The following CYP2W1 variants were observed in gnomAD, a reference collection of about 807,000 sequenced individuals.
The protein encoded by CYP2W1 is cytochrome P450 family 2 subfamily W member 1.
A neutral mutation model predicts 44.9 loss-of-function variants in CYP2W1; 51 were observed. The ratio of observed to expected loss-of-function variants is 1.14; its 90% CI spans 0.91 to 1.43. CYP2W1 has a LOEUF of 1.43. Among genes scored for constraint, CYP2W1 ranks in the 40% most tolerant of loss-of-function variants. The probability of loss-of-function intolerance (pLI) is 0.00; values close to 1 mark genes in which losing one functional copy is unlikely to be tolerated. For synonymous variants in CYP2W1, 383 were observed against 338.3 expected, an observed-to-expected ratio of 1.13 and a Z score of -1.45; for missense variants, 746 against 700.0, an observed-to-expected ratio of 1.07 and a Z score of -0.74.
Position 987,359 on chromosome 7 carries a change from AG to A in CYP2W1, c.973del (p.Glu325SerfsTer2), listed in dbSNP as rs781044047. The A allele has an allele frequency of 1.9e-6, 3 of 1,584,598 alleles. No homozygotes were observed. In the South Asian group the frequency reaches 3.4e-5, roughly 18 times the overall value. ...RHPDVQGRVQ[E>X]ELDRVLGPGR... The stretch of plus-strand genomic sequence containing the variant: ...CCCTTTGCCCCAGGCCGGGTGCAGG[AG>A]GAGCTAGACCGCGTGCTGGGCCCTG... On this transcript the variant is annotated frameshift_variant, in exon 7 of 9. Coordinates refer to ENST00000308919, the MANE Select transcript of CYP2W1 (RefSeq NM_017781.3). LOFTEE classifies it high-confidence loss of function.
rs78873069 is a variant in CYP2W1 at position 988,643 on chromosome 7, G to A, written c.1294G>A (p.Val432Ile). The A allele has an allele frequency of 2.4e-3, 3,801 of 1,602,326 alleles. 72 individuals carry two copies. In the East Asian group the frequency reaches 0.032, roughly 14 times the overall value. Reference sequence around the variant, plus strand: ...CTGGACATCCCCCGCAGGCCGCCGCGTCTGTGTTGGGGAGCGCCTGGCCAG... The same window carrying A: ...CTGGACATCCCCCGCAGGCCGCCGCATCTGTGTTGGGGAGCGCCTGGCCAG... ...AFLPFSAGRR[V>I]CVGERLARTE... Residue 432 changes from valine (V) to isoleucine (I), a missense_variant, in exon 9 of 9, where the codon GTC becomes ATC. Transcript: ENST00000308919.
At chr7:988,184 G>A in intron 7 of CYP2W1, 93 bp from the exon 8 acceptor site, 3 of 1,397,438 alleles carry the variant, frequency 2.1e-6, no homozygotes, top group South Asian at 1.4e-5. Flanking sequence ...GGTGGGTGTG[G>A]CAGGAGCTAC....
intron 5 of CYP2W1, 150 bp downstream of exon 5, chr7:986,947 T>G: frequency 7.5e-7 from 1 of 1,325,224 alleles, no homozygotes; most frequent in Non-Finnish European, 1.0e-6. Context: ...TCTCCTTGTC[T>G]GTGAAACGGG....
chr7:984,818 C>T (rs974167698), intron 2 of CYP2W1, 132 bp from the exon 3 acceptor site: 22 of 1,299,082 alleles, frequency 1.7e-5, no homozygotes, highest in Admixed American at 2.4e-5. Context: ...CCCAGGGGGA[C>T]GGGAGTGGGG....
Position 987,482 on chromosome 7 carries a change from C to T in CYP2W1, c.1094C>T (p.Pro365Leu). The T allele has an allele frequency of 3.9e-6, 6 of 1,555,098 alleles. No homozygotes were observed. Among genetic ancestry groups the T allele is most frequent in the East Asian group, 2.4e-5 (1 of 42,010 alleles). Residue 365 changes from proline (P) to leucine (L), a missense_variant, in exon 7 of 9, where the codon CCC (proline) becomes CTC (leucine). Pro to Leu is a moderately conservative substitution (Grantham distance 98, BLOSUM62 -3). Coordinates refer to ENST00000308919, the MANE Select transcript of CYP2W1 (RefSeq NM_017781.3). ...TTCATCACGCTCCTGCCGCACGTGC[C>T]CCGCTGCACCGCGGCCGACACACAG... ...QRFITLLPHV[P>L]RCTAADTQLG...
Position 988,882 on chromosome 7 carries a change from C to T in CYP2W1, c.*60C>T. ...CCCCTCCCAGCCCTGGGTCCTCCCA[C>T]CCTCTCTCCTCCCACCCCACAGCTC... On this transcript the variant is annotated 3_prime_UTR_variant, in exon 9 of 9. Coordinates refer to ENST00000308919, the MANE Select transcript of CYP2W1 (RefSeq NM_017781.3). 1 of 1,080,760 alleles carries T rather than the reference C, an allele frequency of 9.3e-7. No individual in the cohort carries two copies. Among genetic ancestry groups the T allele is most frequent in the Non-Finnish European group, 1.3e-6 (1 of 761,696 alleles). The allele number at this position is 1,080,760 out of a possible 1,614,324, so 66.9% of individuals were successfully genotyped here. A position where few individuals can be genotyped will look rare whatever the true frequency, so the allele number is the denominator to read the frequency against.
At chr7:984,299 G>A in intron 1 of CYP2W1, 113 bp from the exon 2 acceptor site, 2 of 1,371,346 alleles carry the variant, frequency 1.5e-6, no homozygotes, top group African/African-American at 1.5e-5. Context: ...CCCTCCACCT[G>A]CCCCCATTTT....
Position 984,532 on chromosome 7 carries a change from C to A in CYP2W1, c.295C>A (p.Arg99=), listed in dbSNP as rs760828905. The part of the protein sequence containing the change: ...LAGPGQELAD[R]PPIAIFQLIQ... ...GGGCCCCGGGCAGGAGCTGGCCGACCGGCCTCCCATCGCCATCTTCCAGCT... is the reference window on the plus strand; with the variant it reads ...GGGCCCCGGGCAGGAGCTGGCCGACAGGCCTCCCATCGCCATCTTCCAGCT... The change falls in exon 2 of 9, where the codon CGG becomes AGG. Residue 99 remains arginine, a synonymous_variant. Transcript: ENST00000308919. 1 of 1,554,902 alleles carries A rather than the reference C, an allele frequency of 6.4e-7. No individual in the cohort carries two copies. The highest frequency in any genetic ancestry group is 1.9e-5 in the Admixed American group (1 of 52,398).
chr7:987,933 T>TG (rs11438426), intron 7 of CYP2W1, among the ~76,000 whole-genome samples: 23,285 of 135,572 alleles, frequency 0.17, 2,510 homozygotes, highest in African/African-American at 0.33. Context: ...CTGTGTGTCC[T>TG]GGGGGGGTCC....
chr7:983,211 C>A lies in CYP2W1; in HGVS notation c.-1C>A. 6.7e-7 allele frequency: 1 copy of A among 1,502,598 alleles called. No homozygotes were observed. Among genetic ancestry groups the A allele is most frequent in the Non-Finnish European group, 8.9e-7 (1 of 1,118,626 alleles). The allele number at this position is 1,502,598 out of a possible 1,614,324, so 93.1% of individuals were successfully genotyped here. ...AGTGGAGCCTCACCAGCCACGTCCT[C>A]ATGGCCCTGCTGCTCTTGCTGTTCC... On this transcript the variant is annotated 5_prime_UTR_variant, in exon 1 of 9. Coordinates refer to ENST00000308919, the MANE Select transcript of CYP2W1 (RefSeq NM_017781.3).
chr7:985,958 C>T (rs555272292), intron 4 of CYP2W1, among the ~76,000 whole-genome samples: 14 of 152,248 alleles, frequency 9.2e-5, no homozygotes, highest in Non-Finnish European at 1.8e-4. Flanking sequence ...ACAGCTTCCA[C>T]CCGTCCTAGC....
rs1316437395 is a variant in CYP2W1, at chr7:985,341, A to G, written c.645+18A>G. 1 of 1,546,868 alleles carries G rather than the reference A, an allele frequency of 6.5e-7. No individual in the cohort carries two copies. The highest frequency in any genetic ancestry group is 2.4e-5 in the East Asian group (1 of 40,866). ...GCCTGCAGGTGAGGAGCTGCCTCCC[A>G]TCCTTGGGGTGGGGTGGAGCCTGGA... On this transcript the variant is annotated intron_variant, in intron 4 of 8. Transcript: ENST00000308919.
At position 987,454 on chromosome 7, in the gene CYP2W1, CG is replaced by C; in HGVS notation, c.1068del (p.Phe357SerfsTer29). The C allele has an allele frequency of 3.2e-6, 5 of 1,575,348 alleles. No homozygotes were observed. Among genetic ancestry groups the C allele is most frequent in the Non-Finnish European group, 4.3e-6 (5 of 1,168,804 alleles). On this transcript the variant is annotated frameshift_variant, in exon 7 of 9. Transcript: ENST00000308919. LOFTEE classifies it high-confidence loss of function. ...YTSAVLHEVQ[R>X]FITLLPHVPR... ...AAGCGCCGTGCTCCACGAGGTGCAG[CG>C]GTTCATCACGCTCCTGCCGCACGTG... is the stretch of plus-strand genomic sequence containing the variant.
At chr7:984,706 G>T in intron 2 of CYP2W1, 132 bp downstream of exon 2, 2 of 1,338,828 alleles carry the variant, frequency 1.5e-6, no homozygotes, top group African/African-American at 1.5e-5. Context: ...CTGGGCCTCC[G>T]GGCTGGTGCT....
Position 988,279 on chromosome 7 carries a change from C to A in CYP2W1, c.1146C>A (p.Gly382=). ...CTGTGCCCCGGCTGCCCCCACAGGG[C>A]ACGCCCGTGATTCCCCTGCTGACCT... is the stretch of plus-strand genomic sequence containing the variant. ...TQLGGFLLPK[G]TPVIPLLTSV... is the part of the protein sequence containing the mutation. The change falls in exon 8 of 9, where the codon GGC becomes GGA. Residue 382 remains glycine (G), a splice_region_variant and synonymous_variant. Transcript: ENST00000308919. 1 of 1,586,168 alleles carries A rather than the reference C, an allele frequency of 6.3e-7. No individual in the cohort carries two copies. Among genetic ancestry groups the A allele is most frequent in the Non-Finnish European group, 8.6e-7 (1 of 1,162,568 alleles).
rs1005079033 is a variant in CYP2W1, at chr7:984,489, G to A, written c.252G>A (p.Ala84=). Residue 84 remains alanine (A), a synonymous_variant, in exon 2 of 9, where the codon GCG becomes GCA. Transcript: ENST00000308919. ...CGGTGGTGCTGACGGGGTTCGAGGC[G>A]GTCAAAGAGGCGCTGGCGGGCCCCG... ...QKTVVLTGFE[A]VKEALAGPGQ... The A allele has an allele frequency of 3.3e-5, 52 of 1,552,500 alleles. No individual in the cohort carries two copies. Among genetic ancestry groups the A allele is most frequent in the East Asian group, 4.8e-5 (2 of 41,280 alleles).
At chr7:986,349 T>C in intron 4 of CYP2W1, 1 of 516,816 alleles carries the variant, frequency 1.9e-6, no homozygotes, top group Non-Finnish European at 3.5e-6. Context: ...TTACTTCCAC[T>C]GTGGCAGCTG....
Position 987,460 on chromosome 7 carries a change from A to G in CYP2W1, c.1072A>G (p.Ile358Val). The G allele has an allele frequency of 1.9e-6, 3 of 1,571,820 alleles. No homozygotes were observed. Among genetic ancestry groups the G allele is most frequent in the Non-Finnish European group, 2.6e-6 (3 of 1,167,038 alleles). Residue 358 changes from isoleucine (I) to valine (V), a missense_variant, in exon 7 of 9, where the codon ATC becomes GTC. By Grantham distance (29) the Ile-to-Val change is conservative (BLOSUM62 3). Transcript: ENST00000308919. ...SAVLHEVQRF[I>V]TLLPHVPRCT... ...CGTGCTCCACGAGGTGCAGCGGTTC[A>G]TCACGCTCCTGCCGCACGTGCCCCG... is the stretch of plus-strand genomic sequence containing the variant.
chr7:985,553 C>T (rs117938196), intron 4 of CYP2W1, among the ~76,000 whole-genome samples: 1,869 of 152,320 alleles, frequency 0.012, 21 homozygotes, highest in Middle Eastern at 0.041. Flanking sequence ...ATCTCCCCCA[C>T]GCCCTCATCA....
Sources: allele counts gnomAD v4.1 joint callset (sites outside exome capture counted in the v4.1 genomes callset), GRCh38; gene constraint gnomAD v4.1.1; transcripts MANE v1.5; gene names NCBI Gene and HGNC (gene_info 2026-07-23, HGNC 2026-07-21).